The following NTM variants were observed in gnomAD, a reference collection of about 807,000 sequenced individuals.
NTM encodes the protein IgLON family member 2.
NTM carries 13 observed loss-of-function variants against 42.1 expected under a neutral mutation model. The observed-to-expected ratio is 0.31, with a 90% CI of 0.20 to 0.49. The LOEUF (loss-of-function observed/expected upper bound fraction) is 0.49, where lower values mean the gene tolerates loss of function less well. Among genes scored for constraint, NTM ranks in the 20% least tolerant of loss-of-function variants. The pLI is 0.99. For synonymous variants in NTM, 187 were observed against 179.2 expected, an observed-to-expected ratio of 1.04 and a Z score of -0.35; for missense variants, 373 against 452.8, an observed-to-expected ratio of 0.82 and a Z score of 1.60.
At chr11:131,455,707 G>A (rs1950829800) in intron 1 of NTM, among the ~76,000 whole-genome samples, 1 of 152,212 alleles carries the variant, frequency 6.6e-6, no homozygotes, top group South Asian at 2.1e-4. Flanking sequence ...ACAGGTCTAA[G>A]TTCTGAAGCA....
At chr11:132,119,286 C>T (rs1275091034) in intron 2 of NTM, among the ~76,000 whole-genome samples, 1 of 152,182 alleles carries the variant, frequency 6.6e-6, no homozygotes, top group Non-Finnish European at 1.5e-5. Flanking sequence ...GGGTGCACTG[C>T]TACAGTTGGG....
At chr11:131,868,070 A>G (rs2047403954) in intron 1 of NTM, among the ~76,000 whole-genome samples, 1 of 152,200 alleles carries the variant, frequency 6.6e-6, no homozygotes, top group Non-Finnish European at 1.5e-5. Context: ...TGGAAACTAA[A>G]TACATCGTAC....
chr11:132,245,198 C>T (rs909069579), intron 4 of NTM, among the ~76,000 whole-genome samples: 1 of 152,140 alleles, frequency 6.6e-6, no homozygotes. Context: ...GAAGCTGCAC[C>T]GTGTGAAGTC....
intron 2 of NTM, among the ~76,000 whole-genome samples, chr11:132,046,547 C>T (rs1418720382): frequency 6.6e-6 from 1 of 152,088 alleles, no homozygotes; most frequent in African/African-American, 2.4e-5. Flanking sequence ...ATTTTAATGC[C>T]ATTAATAAAA....
intron 1 of NTM, among the ~76,000 whole-genome samples, chr11:131,596,402 G>A (rs2059813004): frequency 1.3e-5 from 2 of 152,222 alleles, no homozygotes; most frequent in Admixed American, 1.3e-4. Context: ...CGGCATCGTA[G>A]GTAAACAAAT....
intron 1 of NTM, among the ~76,000 whole-genome samples, chr11:131,554,601 C>T (rs1360588803): frequency 6.6e-6 from 1 of 151,620 alleles, no homozygotes; most frequent in Non-Finnish European, 1.5e-5. Context: ...TTTCTTAGCA[C>T]TCTGGTCTAC....
chr11:131,736,651 A>T (rs1031859483), intron 1 of NTM, among the ~76,000 whole-genome samples: 1 of 152,124 alleles, frequency 6.6e-6, no homozygotes, highest in Non-Finnish European at 1.5e-5. Context: ...AAAACCTCTC[A>T]CTCCTTGGCA....
In NTM at chr11:131,516,464, G is replaced by A. The variant is rs189390091; in HGVS notation, c.82+145576G>A. Among the ~76,000 whole-genome samples, 25 of 152,162 alleles carry A rather than the reference G, an allele frequency of 1.6e-4. No individual in the cohort carries two copies. The East Asian group carries it at 1.9e-3, about 12-fold the overall frequency. ...CGCGATCTCGGCTCACGCAATCTCC[G>A]CCTCCCGGGTTCAAGAGATTCTCCT... On this transcript the variant is annotated intron_variant, in intron 1 of 8. Transcript: ENST00000683400.
intron 3 of NTM, among the ~76,000 whole-genome samples, chr11:132,182,855 ACACAGAC>A (rs2077786136): frequency 6.6e-6 from 1 of 152,228 alleles, no homozygotes; most frequent in South Asian, 2.1e-4. Flanking sequence ...TAGTACAGGA[ACACAGAC>A]CACCTCATTT....
At chr11:132,212,969 A>T (rs78259762) in intron 4 of NTM, among the ~76,000 whole-genome samples, 1 of 151,854 alleles carries the variant, frequency 6.6e-6, no homozygotes, top group Non-Finnish European at 1.5e-5. Flanking sequence ...AAAAAAAAAA[A>T]GAGTATGCAA....
At chr11:132,294,287 C>T (rs768624650) in intron 4 of NTM, among the ~76,000 whole-genome samples, 7 of 152,044 alleles carry the variant, frequency 4.6e-5, no homozygotes, top group East Asian at 3.9e-4. Context: ...ACACTCCCCT[C>T]GCCTTCCCCT....
intron 4 of NTM, among the ~76,000 whole-genome samples, chr11:132,259,340 G>A (rs2092700337): frequency 6.6e-6 from 1 of 152,144 alleles, no homozygotes; most frequent in Non-Finnish European, 1.5e-5. Flanking sequence ...AAAAAGAAAT[G>A]TAGAAACTGC....
intron 1 of NTM, among the ~76,000 whole-genome samples, chr11:131,871,227 A>T (rs2047745988): frequency 6.6e-6 from 1 of 152,222 alleles, no homozygotes. Flanking sequence ...GCTCAGAGTT[A>T]AATTTAGTGC....
intron 2 of NTM, among the ~76,000 whole-genome samples, chr11:132,017,703 A>G (rs1387958572): frequency 2.0e-5 from 3 of 151,980 alleles, no homozygotes; most frequent in African/African-American, 7.2e-5. Context: ...TGAGATTTTA[A>G]TAGGGATTGC....
At chr11:131,566,226 G>T (rs187868258) in intron 1 of NTM, among the ~76,000 whole-genome samples, 4 of 152,154 alleles carry the variant, frequency 2.6e-5, no homozygotes, top group African/African-American at 7.2e-5. Flanking sequence ...CTCCTCCAGC[G>T]CCACACTGAT....
At chr11:131,433,340 C>T (rs1358575818) in intron 1 of NTM, among the ~76,000 whole-genome samples, 9 of 152,180 alleles carry the variant, frequency 5.9e-5, no homozygotes, top group East Asian at 5.8e-4. Context: ...CCTGGAGTTA[C>T]GTATTTTCTG....
chr11:131,825,444 G>A (rs2042013200), intron 1 of NTM, among the ~76,000 whole-genome samples: 2 of 152,120 alleles, frequency 1.3e-5, no homozygotes, highest in African/African-American at 2.4e-5. Flanking sequence ...CTGGATATGA[G>A]GCTAGCACTT....
At chr11:131,931,174 G>A (rs936611006) in intron 2 of NTM, among the ~76,000 whole-genome samples, 10 of 152,176 alleles carry the variant, frequency 6.6e-5, no homozygotes, top group Admixed American at 3.3e-4. Context: ...TAGGCCAGGT[G>A]TGGTGGCTTA....
At chr11:131,797,618 A>C (rs1009324588) in intron 1 of NTM, among the ~76,000 whole-genome samples, 1 of 152,258 alleles carries the variant, frequency 6.6e-6, no homozygotes, top group Admixed American at 6.5e-5. Context: ...AAGTAATCAC[A>C]CAAAGTATGG....
Sources: allele counts gnomAD v4.1 joint callset (sites outside exome capture counted in the v4.1 genomes callset), GRCh38; gene constraint gnomAD v4.1.1; transcripts MANE v1.5; gene names NCBI Gene and HGNC (gene_info 2026-07-23, HGNC 2026-07-21).